The following DNAAF6 variants were observed in gnomAD, a reference collection of about 807,000 sequenced individuals.
The protein encoded by DNAAF6 is PIH1 domain containing 3.
DNAAF6 carries 3 observed loss-of-function variants against 13.7 expected under a neutral mutation model. That is an observed-to-expected ratio of 0.22 (90% CI 0.10 to 0.56). The LOEUF is 0.56. Ranked by LOEUF, DNAAF6 falls within the 20% of genes least tolerant of loss-of-function variation. DNAAF6 has a pLI of 0.92. For missense variants in DNAAF6, 130 were observed against 151.0 expected (o/e 0.86, Z 0.73); for synonymous variants, 54 against 49.2 (o/e 1.10, Z -0.41).
chrX:107,239,055 C>A (rs749658254), intron 6 of DNAAF6, 48 bp downstream of exon 6: 15 of 1,123,784 alleles, frequency 1.3e-5, no homozygotes, highest in Non-Finnish European at 1.8e-5. Flanking sequence ...ATTAAAGAGT[C>A]TTCAGTCAAT....
At chrX:107,216,503 G>A (rs1050732700) in intron 2 of DNAAF6, among the ~76,000 whole-genome samples, 168 bp from the exon 3 acceptor site, 1 of 111,982 alleles carries the variant, frequency 8.9e-6, no homozygotes, top group Non-Finnish European at 1.9e-5. Flanking sequence ...AAGCATATTC[G>A]AAATAGTACT....
At chrX:107,209,616 T>C (rs931027825) in intron 1 of DNAAF6, among the ~76,000 whole-genome samples, 1 of 111,468 alleles carries the variant, frequency 9.0e-6, no homozygotes, top group Non-Finnish European at 1.9e-5. Flanking sequence ...TGTTTTTTAG[T>C]AGAGTCGGGG....
chrX:107,226,967 A>C lies in DNAAF6; in HGVS notation c.429+4126A>C, dbSNP rs144661074. Among the ~76,000 whole-genome samples the C allele has an allele frequency of 6.6e-3, 734 of 111,938 alleles. 6 individuals carry two copies. Among genetic ancestry groups the C allele is most frequent in the African/African-American group, 0.022 (690 of 30,866 alleles). On this transcript the variant is annotated intron_variant, in intron 5 of 6. Coordinates refer to ENST00000372453, the MANE Select transcript of DNAAF6 (RefSeq NM_173494.2). ...ACCAGGAGTCACATGTTTATCATAC[A>C]TATTTATCTCAGAAAGTGCTATCAA...
rs187715553 is a variant in DNAAF6, at chrX:107,240,436, G to A, written c.515+1429G>A. ...ATTATCGGGAATGTGTCTTGTTTTCGAGTTTATTGATATTCACACCTACTT... is the reference window on the plus strand; with the variant it reads ...ATTATCGGGAATGTGTCTTGTTTTCAAGTTTATTGATATTCACACCTACTT... On this transcript the variant is annotated intron_variant, in intron 6 of 6. Transcript: ENST00000372453. 6.7e-3 allele frequency among the ~76,000 whole-genome samples: 746 copies of A among 111,432 alleles called. 6 individuals carry two copies. Among genetic ancestry groups the A allele is most frequent in the African/African-American group, 0.023 (699 of 30,807 alleles).
rs541903788 is a variant in DNAAF6 at position 107,239,751 on chromosome X, A to G, written c.515+744A>G. On this transcript the variant is annotated intron_variant, in intron 6 of 6. Transcript: ENST00000372453. ...CTTCTATAGTAAATGCATTTAACCCAAAATGGTCTACAGATAAATATATAT... is the reference window on the plus strand; with the variant it reads ...CTTCTATAGTAAATGCATTTAACCCGAAATGGTCTACAGATAAATATATAT... 6.8e-4 allele frequency among the ~76,000 whole-genome samples: 76 copies of G among 112,192 alleles called. No individual in the cohort carries two copies. In the Middle Eastern group the frequency reaches 0.027, roughly 40 times the overall value.
chrX:107,241,337 A>G (rs749446047), intron 6 of DNAAF6, among the ~76,000 whole-genome samples: 1 of 111,936 alleles, frequency 8.9e-6, no homozygotes, highest in South Asian at 3.7e-4. Flanking sequence ...CACTGGATGA[A>G]CCTTTGATCA....
At chrX:107,242,169 C>A (rs1319735879) in intron 6 of DNAAF6, among the ~76,000 whole-genome samples, 2 of 111,598 alleles carry the variant, frequency 1.8e-5, no homozygotes, top group Non-Finnish European at 3.8e-5. Flanking sequence ...TGGAATGGAA[C>A]AAGAGTCACA....
Position 107,243,197 on chromosome X carries a change from G to C in DNAAF6, c.544G>C (p.Val182Leu). The C allele has an allele frequency of 9.9e-6, 12 of 1,207,158 alleles. No individual in the cohort carries two copies. The highest frequency in any genetic ancestry group is 1.2e-5 in the Non-Finnish European group (11 of 894,080). ...KKLLITLPELVECTSAKAFYI... is the reference protein window; with the variant it reads ...KKLLITLPELLECTSAKAFYI... ...GCTGTTGATAACTCTTCCTGAGCTG[G>C]TGGAATGTACCAGTGCCAAAGCATT... The change falls in exon 7 of 7, where the codon GTG (valine) becomes CTG (leucine). Residue 182 changes from valine to leucine, a missense_variant. Coordinates refer to ENST00000372453, the MANE Select transcript of DNAAF6 (RefSeq NM_173494.2).
Position 107,208,211 on chromosome X carries a change from C to T in DNAAF6, c.-4+1521C>T, listed in dbSNP as rs1020175616. Among the ~76,000 whole-genome samples, 3 of 110,644 alleles carry T rather than the reference C, an allele frequency of 2.7e-5. No homozygotes were observed. The East Asian group carries it at 8.8e-4, about 32-fold the overall frequency. On this transcript the variant is annotated intron_variant, in intron 1 of 6. Coordinates refer to ENST00000372453, the MANE Select transcript of DNAAF6 (RefSeq NM_173494.2). ...GAGTTCGAGACCCATCTGGGCTACA[C>T]GGTGAAGCCCCGTCTCTACAAGTAA...
chrX:107,222,704 C>T (rs1928172393), intron 4 of DNAAF6, 41 bp from the exon 5 acceptor site: 2 of 1,164,268 alleles, frequency 1.7e-6, no homozygotes, highest in East Asian at 3.1e-5. Context: ...CAGGAAATTG[C>T]TCTTTCATCT....
chrX:107,231,099 T>TA (rs1928383968), intron 5 of DNAAF6, among the ~76,000 whole-genome samples: 1 of 111,436 alleles, frequency 9.0e-6, no homozygotes, highest in African/African-American at 3.3e-5. Context: ...TTTTAAAAAT[T>TA]AAAAAAATAT....
intron 6 of DNAAF6, 133 bp downstream of exon 6, chrX:107,239,140 A>T: frequency 1.1e-6 from 1 of 937,807 alleles, no homozygotes; most frequent in South Asian, 3.8e-5. Flanking sequence ...TTGTATTCAG[A>T]TGTTTGATCT....
intron 5 of DNAAF6, among the ~76,000 whole-genome samples, chrX:107,229,781 G>A (rs961564188): frequency 2.3e-4 from 26 of 110,836 alleles, no homozygotes; most frequent in African/African-American, 8.2e-4. Flanking sequence ...TCCACTTCCC[G>A]GGTTCACACC....
At chrX:107,242,155 C>T (rs1446128360) in intron 6 of DNAAF6, among the ~76,000 whole-genome samples, 1 of 111,694 alleles carries the variant, frequency 9.0e-6, no homozygotes, top group Non-Finnish European at 1.9e-5. Context: ...TTTCCTACCC[C>T]ACATGGAATG....
rs758489525 is a variant in DNAAF6 at position 107,243,780 on chromosome X, G to A, written c.*482G>A. On this transcript the variant is annotated 3_prime_UTR_variant, in exon 7 of 7. Coordinates refer to ENST00000372453, the MANE Select transcript of DNAAF6 (RefSeq NM_173494.2). ...GGTTAAAAAATTAGAATATTTCATG[G>A]TCAATTACATAATTGAAATATGATC... 3.5e-5 allele frequency: 4 copies of A among 113,277 alleles called. No homozygotes were observed. Among genetic ancestry groups the A allele is most frequent in the East Asian group, 5.5e-4 (2 of 3,635 alleles). The allele number at this position is 113,277 out of a possible 1,213,427, so 9.3% of individuals were successfully genotyped here.
intron 5 of DNAAF6, among the ~76,000 whole-genome samples, chrX:107,234,404 G>A (rs1928474081): frequency 9.0e-6 from 1 of 111,359 alleles, no homozygotes; most frequent in Non-Finnish European, 1.9e-5. Flanking sequence ...ACTTAGTATG[G>A]CTGCAGTGGA....
In DNAAF6 at chrX:107,218,085, C is replaced by T. The variant is rs140272029; in HGVS notation, c.227-779C>T. ...GAATTGAAAACCTAACAATCGGGTG[C>T]ATTTCTGGGAATGCTTAAAATGACT... On this transcript the variant is annotated intron_variant, in intron 3 of 6. Transcript: ENST00000372453. Among the ~76,000 whole-genome samples, 13 of 112,487 alleles carry T rather than the reference C, an allele frequency of 1.2e-4. No homozygotes were observed. The East Asian group carries it at 3.6e-3, about 31-fold the overall frequency.
At chrX:107,229,679 C>A (rs1322547843) in intron 5 of DNAAF6, among the ~76,000 whole-genome samples, 1 of 109,724 alleles carries the variant, frequency 9.1e-6, no homozygotes, top group Non-Finnish European at 1.9e-5. Context: ...GTCCTGAACT[C>A]TCCCATGGGC....
chrX:107,208,307 C>T (rs2069318791), intron 1 of DNAAF6, among the ~76,000 whole-genome samples: 1 of 108,709 alleles, frequency 9.2e-6, no homozygotes, highest in African/African-American at 3.3e-5. Context: ...AGTGGCACAG[C>T]CTGTAGTCCC....
Sources: gnomAD v4.1 joint callset for allele counts (sites outside exome capture counted in the v4.1 genomes callset) on GRCh38, gnomAD v4.1.1 for gene constraint, MANE v1.5 for transcripts, NCBI Gene and HGNC (gene_info 2026-07-23, HGNC 2026-07-21) for gene names.